DICER1: variants seen among roughly 807,000 people sequenced by gnomAD.
DICER1 encodes endoribonuclease Dicer.
Under a neutral mutation model 194.1 loss-of-function variants are expected in DICER1, and 43 were observed. That is an observed-to-expected ratio of 0.22 (90% CI 0.17 to 0.29). The LOEUF is 0.29. DICER1 is among the 10% of genes least tolerant of loss of function. The pLI, the probability that DICER1 is intolerant of heterozygous loss-of-function variation, is 1.00. For missense variants in DICER1, 1,608 were observed against 2,317.0 expected (o/e 0.69, Z 6.28); for synonymous variants, 832 against 820.5 (o/e 1.01, Z -0.24).
Position 95,132,696 on chromosome 14 carries a change from A to G in DICER1, c.145-19T>C. On this transcript the variant is annotated intron_variant, in intron 2 of 26. Transcript: ENST00000343455. Reference sequence around the variant, plus strand: ...GTTCAACCTAGAAACATGGTGAAAAAAAAGTTATGCACTTCTTACCTAAGT... The same window carrying G: ...GTTCAACCTAGAAACATGGTGAAAAGAAAGTTATGCACTTCTTACCTAAGT... The G allele has an allele frequency of 6.2e-7, 1 of 1,612,930 alleles. No homozygotes were observed. The highest frequency in any genetic ancestry group is 8.5e-7 in the Non-Finnish European group (1 of 1,179,200).
intron 11 of DICER1, among the ~76,000 whole-genome samples, chr14:95,115,077 G>A (rs1360999311): frequency 6.6e-6 from 1 of 152,162 alleles, no homozygotes; most frequent in African/African-American, 2.4e-5. Context: ...GTGTCTGGGT[G>A]AAAGGCATAT....
chr14:95,108,255 T>A, intron 15 of DICER1, 69 bp downstream of exon 15: 1 of 1,432,146 alleles, frequency 7.0e-7, no homozygotes, highest in Non-Finnish European at 9.8e-7. Context: ...TACTTACTAC[T>A]AGTTTTTTTT....
intron 7 of DICER1, among the ~76,000 whole-genome samples, chr14:95,125,581 A>G (rs1036512132): frequency 2.2e-5 from 1 of 44,710 alleles, no homozygotes; most frequent in African/African-American, 1.1e-4. Context: ...AGGTGGGGGA[A>G]GGGGAGGAGG....
chr14:95,114,047 G>A (rs1308272389), intron 11 of DICER1, among the ~76,000 whole-genome samples: 1 of 152,198 alleles, frequency 6.6e-6, no homozygotes. Flanking sequence ...GATATCAACA[G>A]ATAGACACTG....
intron 3 of DICER1, 132 bp from the exon 4 acceptor site, chr14:95,131,771 C>A: frequency 2.2e-6 from 2 of 901,338 alleles, no homozygotes; most frequent in South Asian, 2.7e-5. Flanking sequence ...TTTTTGATAG[C>A]CTCTTTAAAA....
chr14:95,148,160 A>C (rs999821398), intron 1 of DICER1, among the ~76,000 whole-genome samples: 4 of 152,100 alleles, frequency 2.6e-5, no homozygotes, highest in African/African-American at 7.2e-5. Context: ...CCCTCCAGGA[A>C]CCTCCATGTG....
intron 6 of DICER1, among the ~76,000 whole-genome samples, chr14:95,127,670 T>C (rs1433025286): frequency 6.6e-6 from 1 of 152,176 alleles, no homozygotes; most frequent in African/African-American, 2.4e-5. Context: ...ACTCAAAAGG[T>C]TTCAGATTTT....
At chr14:95,090,814 T>C (rs1036918214) in intron 26 of DICER1, 151 bp from the exon 27 acceptor site, 3 of 1,025,704 alleles carry the variant, frequency 2.9e-6, no homozygotes, top group African/African-American at 1.6e-5. Context: ...TGCAATTGCA[T>C]ACCCCCGACA....
chr14:95,128,640 T>C (rs1893685993), intron 6 of DICER1, among the ~76,000 whole-genome samples: 1 of 152,224 alleles, frequency 6.6e-6, no homozygotes, highest in South Asian at 2.1e-4. Flanking sequence ...ATGAAACCAC[T>C]GTCAATGCCA....
At position 95,107,613 on chromosome 14, in the gene DICER1, A is replaced by T. The variant is rs1595378726; in HGVS notation, c.2799T>A (p.Ile933=). 1 of 1,613,916 alleles carries T rather than the reference A, an allele frequency of 6.2e-7. No individual in the cohort carries two copies. The highest frequency in any genetic ancestry group is 8.5e-7 in the Non-Finnish European group (1 of 1,179,836). ...CTTTCCATTTAAATACCTACCTTGG[A>T]ATGATAACGGCATCTTGGTAATCTT... ...KLEDYQDAVI[I]PRYRNFDQPH... The change falls in exon 17 of 27, where the codon ATT becomes ATA. Residue 933 remains isoleucine, a synonymous_variant. Coordinates refer to ENST00000343455, the MANE Select transcript of DICER1 (RefSeq NM_177438.3).
chr14:95,130,955 T>C (rs1455377668), intron 4 of DICER1, among the ~76,000 whole-genome samples: 1 of 152,218 alleles, frequency 6.6e-6, no homozygotes, highest in Non-Finnish European at 1.5e-5. Flanking sequence ...AATTTGTGTT[T>C]TTCAAGCAAG....
At chr14:95,155,111 T>A (rs1895758992) in intron 1 of DICER1, among the ~76,000 whole-genome samples, 1 of 152,208 alleles carries the variant, frequency 6.6e-6, no homozygotes, top group Non-Finnish European at 1.5e-5. Context: ...GGGGTAATAA[T>A]CACTGACTCT....
chr14:95,125,818 G>A (rs1002484522), intron 7 of DICER1, among the ~76,000 whole-genome samples: 2 of 144,976 alleles, frequency 1.4e-5, no homozygotes, highest in Admixed American at 1.4e-4. Context: ...GAAAGAGAGA[G>A]AGAGAGGAAA....
At position 95,117,708 on chromosome 14, in the gene DICER1, T is replaced by G; in HGVS notation, c.1423A>C (p.Ser475Arg). ...CCATGTCCAGTTATGAAATTGCTAC[T>G]GATATAAGCCAGCTCTGGATCTTGT... ...GKQDPELAYI[S>R]SNFITGHGIG... Residue 475 changes from serine (S) to arginine (R), a missense_variant, in exon 9 of 27, where the codon AGT (serine) becomes CGT (arginine). Ser to Arg is a moderately radical substitution (Grantham distance 110). Coordinates refer to ENST00000343455, the MANE Select transcript of DICER1 (RefSeq NM_177438.3). 6.2e-7 allele frequency: 1 copy of G among 1,613,882 alleles called. No homozygotes were observed. The highest frequency in any genetic ancestry group is 8.5e-7 in the Non-Finnish European group (1 of 1,179,762).
chr14:95,124,460 T>C lies in DICER1; in HGVS notation c.1112A>G (p.Lys371Arg). The C allele has an allele frequency of 1.2e-6, 2 of 1,614,144 alleles. No homozygotes were observed. Among genetic ancestry groups the C allele is most frequent in the Non-Finnish European group, 8.5e-7 (1 of 1,180,018 alleles). ...EHFSPASLDLKFVTPKVIKLL... is the reference protein window; with the variant it reads ...EHFSPASLDLRFVTPKVIKLL... The stretch of plus-strand genomic sequence containing the variant: ...TTTGATTACTTTAGGAGTTACAAAT[T>C]TCAGGTCAAGTGAGGCAGGTGAGAA... Residue 371 changes from lysine (K) to arginine (R), a missense_variant, in exon 8 of 27, where the codon AAA becomes AGA. Coordinates refer to ENST00000343455, the MANE Select transcript of DICER1 (RefSeq NM_177438.3). This position sits in a 1 kb window ranked among gnomAD's most constrained non-coding sequence, Gnocchi z 4.5.
chr14:95,099,460 A>G (rs929187507), intron 22 of DICER1, among the ~76,000 whole-genome samples: 1 of 152,196 alleles, frequency 6.6e-6, no homozygotes, highest in African/African-American at 2.4e-5. Flanking sequence ...ATAAATTGTA[A>G]TAACAGCAAA....
At chr14:95,127,162 G>A (rs1465825197) in intron 6 of DICER1, among the ~76,000 whole-genome samples, 2 of 152,156 alleles carry the variant, frequency 1.3e-5, no homozygotes, top group East Asian at 3.8e-4. Flanking sequence ...ACAAAACTCA[G>A]GACTGCCTTC....
rs775641977 is a variant in DICER1, at chr14:95,105,199, C to T, written c.3141G>A (p.Leu1047=). The T allele has an allele frequency of 6.2e-7, 1 of 1,613,574 alleles. No individual in the cohort carries two copies. Among genetic ancestry groups the T allele is most frequent in the Admixed American group, 1.7e-5 (1 of 59,932 alleles). ...LCAIHPIPAS[L]WRKAVCLPSI... ...TGGGGAGACAAACAGCTTTTCTCCA[C>T]AGTGATGCTGGAATTGGATGTATAG... The change falls in exon 20 of 27, where the codon CTG becomes CTA. Residue 1047 remains leucine, a synonymous_variant. Coordinates refer to ENST00000343455, the MANE Select transcript of DICER1 (RefSeq NM_177438.3). This position sits in a 1 kb window ranked among gnomAD's most constrained non-coding sequence, Gnocchi z 4.9.
At chr14:95,140,867 T>C (rs1894786742) in intron 1 of DICER1, 1 of 152,232 alleles carries the variant, frequency 6.6e-6, no homozygotes, top group Non-Finnish European at 1.5e-5. Flanking sequence ...AAGGCCATTA[T>C]TTTGAATTAA....
Sources: allele counts gnomAD v4.1 joint callset (sites outside exome capture counted in the v4.1 genomes callset), GRCh38; gene constraint gnomAD v4.1.1; non-coding constraint Gnocchi (gnomAD v3.1); transcripts MANE v1.5; gene names NCBI Gene and HGNC (gene_info 2026-07-23, HGNC 2026-07-21).